Variants in FOLH1 observed in about 807,000 individuals in gnomAD.
FOLH1 encodes folate hydrolase 1, also known as glutamate carboxypeptidase 2.
FOLH1 carries 54 observed loss-of-function variants against 93.9 expected under a neutral mutation model. That is an observed-to-expected ratio of 0.57 (90% CI 0.46 to 0.72). The LOEUF (loss-of-function observed/expected upper bound fraction) is 0.72. Ranked by LOEUF, FOLH1 falls within the 30% of genes least tolerant of loss-of-function variation. The probability of loss-of-function intolerance (pLI) is 0.00; values close to 1 mark genes in which losing one functional copy is unlikely to be tolerated. For synonymous variants in FOLH1, 249 were observed against 303.6 expected, an observed-to-expected ratio of 0.82 and a Z score of 1.87; for missense variants, 571 against 892.5, an observed-to-expected ratio of 0.64 and a Z score of 4.59.
intron 6 of FOLH1, among the ~76,000 whole-genome samples, chr11:49,184,114 C>T (rs1861102421): frequency 6.6e-6 from 1 of 151,588 alleles, no homozygotes; most frequent in Non-Finnish European, 1.5e-5. Context: ...TAATAAGAAA[C>T]TTAGGTAACT....
At chr11:49,174,336 C>T (rs1415804787) in intron 9 of FOLH1, among the ~76,000 whole-genome samples, 2 of 152,006 alleles carry the variant, frequency 1.3e-5, no homozygotes, top group Admixed American at 6.6e-5. Flanking sequence ...CAAAATAGTT[C>T]ATAAGAAACT....
chr11:49,162,797 T>A (rs1857863549), intron 13 of FOLH1: 1 of 152,178 alleles, frequency 6.6e-6, no homozygotes, highest in Admixed American at 6.5e-5. Context: ...TTTCTTTTTT[T>A]TTTTTTTAAA....
At chr11:49,194,819 G>C (rs961451859) in intron 3 of FOLH1, among the ~76,000 whole-genome samples, 6 of 151,680 alleles carry the variant, frequency 4.0e-5, no homozygotes, top group Non-Finnish European at 7.4e-5. Context: ...GATAAAAAAG[G>C]CTACTACATA....
intron 6 of FOLH1, chr11:49,185,465 A>G (rs1217046388): frequency 6.3e-6 from 4 of 631,432 alleles, no homozygotes; most frequent in Non-Finnish European, 1.1e-5. Context: ...AATAAGTCTG[A>G]ATTTGAAAGC....
chr11:49,200,271 T>C lies in FOLH1; in HGVS notation c.395A>G (p.Asn132Ser), dbSNP rs7128652. 1,774 of 1,565,792 alleles carry C rather than the reference T, an allele frequency of 1.1e-3. 2 individuals carry two copies. Among genetic ancestry groups the C allele is most frequent in the Non-Finnish European group, 1.5e-3 (1,687 of 1,156,878 alleles). ...ATTTTTTACCTCATTTCCATCTTCA[T>C]TAATTATTGAGATGTAGTTGGGATG... ...KTHPNYISII[N>S]EDGNEIFNTS... Residue 132 changes from asparagine (N) to serine (S), a missense_variant, in exon 3 of 19, where the codon AAT becomes AGT. This residue lies in a region of FOLH1 where 500 missense variants were observed against 822.9 expected (regional missense o/e 0.61). Coordinates refer to ENST00000256999, the MANE Select transcript of FOLH1 (RefSeq NM_004476.3).
chr11:49,192,145 A>T (rs1241138307), intron 4 of FOLH1, among the ~76,000 whole-genome samples: 1 of 152,046 alleles, frequency 6.6e-6, no homozygotes, highest in Non-Finnish European at 1.5e-5. Context: ...ATCATATACT[A>T]TCTGGTCTTT....
At chr11:49,170,146 C>T (rs1859067336) in intron 11 of FOLH1, among the ~76,000 whole-genome samples, 1 of 152,014 alleles carries the variant, frequency 6.6e-6, no homozygotes, top group South Asian at 2.1e-4. Context: ...TAAACATTGA[C>T]TTTGCATATA....
At position 49,203,655 on chromosome 11, in the gene FOLH1, G is replaced by C. The variant is rs534707923; in HGVS notation, c.224+2412C>G. ...ATGCTGAATATCCCCCTGTGTTCTG[G>C]TTAGAGGAGCTTGGTTAGAGACATG... is the stretch of plus-strand genomic sequence containing the variant. On this transcript the variant is annotated intron_variant, in intron 2 of 18. Transcript: ENST00000256999. Among the ~76,000 whole-genome samples, 3 of 152,274 alleles carry C rather than the reference G, an allele frequency of 2.0e-5. No individual in the cohort carries two copies. The South Asian group carries it at 6.2e-4, about 32-fold the overall frequency.
intron 1 of FOLH1, chr11:49,207,785 A>G: frequency 2.4e-6 from 1 of 423,650 alleles, no homozygotes; most frequent in Non-Finnish European, 4.6e-6. Flanking sequence ...TGCTTTTCTT[A>G]GAAAGTTGGA....
chr11:49,202,477 C>T (rs1863369038), intron 2 of FOLH1, among the ~76,000 whole-genome samples: 1 of 151,842 alleles, frequency 6.6e-6, no homozygotes, highest in African/African-American at 2.4e-5. Context: ...TCATAGCTCA[C>T]TAAAACCTGG....
At chr11:49,164,674 G>C (rs1037259474) in intron 13 of FOLH1, 31 bp downstream of exon 13, 1 of 1,434,890 alleles carries the variant, frequency 7.0e-7, no homozygotes, top group African/African-American at 1.4e-5. Flanking sequence ...TGTAGAATTT[G>C]GGTTTTCTTA....
At chr11:49,199,248 C>T (rs905976593) in intron 3 of FOLH1, among the ~76,000 whole-genome samples, 22 of 152,130 alleles carry the variant, frequency 1.4e-4, no homozygotes, top group Non-Finnish European at 2.8e-4. Flanking sequence ...CTTCTACATA[C>T]GGTAGCTCTA....
intron 3 of FOLH1, among the ~76,000 whole-genome samples, chr11:49,196,417 C>A (rs1862621071): frequency 6.6e-6 from 1 of 151,960 alleles, no homozygotes; most frequent in East Asian, 1.9e-4. Context: ...AATTTAATTG[C>A]AATAAAACCT....
intron 17 of FOLH1, among the ~76,000 whole-genome samples, chr11:49,152,616 G>A (rs2988346): frequency 1.2e-4 from 18 of 152,066 alleles, no homozygotes; most frequent in Admixed American, 3.3e-4. Flanking sequence ...GTTTCTTACC[G>A]ATATTTTCAG....
intron 3 of FOLH1, among the ~76,000 whole-genome samples, chr11:49,197,826 T>C (rs1030282061): frequency 6.6e-6 from 1 of 152,170 alleles, no homozygotes; most frequent in African/African-American, 2.4e-5. Context: ...TATAAGCATG[T>C]AATTTATAGA....
At position 49,184,998 on chromosome 11, in the gene FOLH1, G is replaced by T. The variant is rs545787055; in HGVS notation, c.826+671C>A. On this transcript the variant is annotated intron_variant, in intron 6 of 18. Transcript: ENST00000256999. ...CTCACTTTCCTCCCTGTGAATAAGA[G>T]ATAATAACACCCCCTAGCTTTAGGG... is the stretch of plus-strand genomic sequence containing the variant. 2.6e-5 allele frequency among the ~76,000 whole-genome samples: 4 copies of T among 152,244 alleles called. No individual in the cohort carries two copies. In the East Asian group the frequency reaches 7.7e-4, roughly 29 times the overall value.
At chr11:49,184,478 T>C (rs1861148837) in intron 6 of FOLH1, among the ~76,000 whole-genome samples, 1 of 152,166 alleles carries the variant, frequency 6.6e-6, no homozygotes, top group African/African-American at 2.4e-5. Context: ...TTTGCATAAC[T>C]AATAAAGCTT....
chr11:49,205,942 C>T (rs1863872880), intron 2 of FOLH1, 125 bp downstream of exon 2: 1 of 1,032,520 alleles, frequency 9.7e-7, no homozygotes, highest in East Asian at 2.8e-5. Context: ...AAATGTGATC[C>T]AAGATCTTTA....
chr11:49,188,097 T>C (rs1232929672), intron 4 of FOLH1, among the ~76,000 whole-genome samples: 1 of 152,230 alleles, frequency 6.6e-6, no homozygotes, highest in Non-Finnish European at 1.5e-5. Context: ...TAAATATGGG[T>C]ATGCTTGAAA....
Sources: allele counts gnomAD v4.1 joint callset (sites outside exome capture counted in the v4.1 genomes callset), GRCh38; gene constraint gnomAD v4.1.1; regional missense constraint gnomAD v4.1.1; transcripts MANE v1.5; gene names NCBI Gene and HGNC (gene_info 2026-07-23, HGNC 2026-07-21).